C6orf132: variants seen among roughly 807,000 people sequenced by gnomAD.
The protein encoded by C6orf132 is uncharacterized protein C6orf132.
Under a neutral mutation model 65.3 loss-of-function variants are expected in C6orf132, and 43 were observed. That is an observed-to-expected ratio of 0.66 (90% CI 0.52 to 0.85). The LOEUF is 0.85. C6orf132 is among the 40% of genes least tolerant of loss of function. The pLI is 0.00. For synonymous variants in C6orf132, 631 were observed against 654.1 expected (o/e 0.96, Z 0.54); for missense variants, 1,488 against 1,548.8 (o/e 0.96, Z 0.66).
chr6:42,116,183 C>A (rs1766568476), intron 2 of C6orf132, among the ~76,000 whole-genome samples: 1 of 152,002 alleles, frequency 6.6e-6, no homozygotes, highest in African/African-American at 2.4e-5. Context: ...CCGCCGTGGC[C>A]TCCCAAAGTG....
rs754613669 is a variant in C6orf132 at position 42,106,569 on chromosome 6, G to A, written c.1343C>T (p.Pro448Leu). ...TGAAGACGCTGTGTTCTCTGGGCTG[G>A]GGGGGTTGGGTTTGGGTTTGAGAGC... ...SPALKPKPNPPSPENTASSAP... is the reference protein window; with the variant it reads ...SPALKPKPNPLSPENTASSAP... Residue 448 changes from proline (P) to leucine (L), a missense_variant, in exon 4 of 5, where the codon CCC (proline) becomes CTC (leucine). Pro to Leu is a moderately conservative substitution (Grantham distance 98). Coordinates refer to ENST00000341865, the MANE Select transcript of C6orf132 (RefSeq NM_001164446.3). 2.6e-6 allele frequency: 4 copies of A among 1,536,088 alleles called. No individual in the cohort carries two copies. The highest frequency in any genetic ancestry group is 1.2e-5 in the South Asian group (1 of 84,050).
rs987176724 is a variant in C6orf132, at chr6:42,103,280, C to T, written c.*481G>A. On this transcript the variant is annotated 3_prime_UTR_variant, in exon 5 of 5. Transcript: ENST00000341865. ...GTGATGGAGGCTAAAGATCTCCCTT[C>T]GGTGCCCTGCACACCCACCAGACAG... 10 of 382,344 alleles carry T rather than the reference C, an allele frequency of 2.6e-5. No individual in the cohort carries two copies. Among genetic ancestry groups the T allele is most frequent in the African/African-American group, 1.5e-4 (6 of 38,778 alleles). The allele number at this position is 382,344 out of a possible 1,614,324, so 23.7% of individuals were successfully genotyped here.
At chr6:42,136,009 A>G (rs1414591156) in intron 1 of C6orf132, among the ~76,000 whole-genome samples, 4 of 152,182 alleles carry the variant, frequency 2.6e-5, no homozygotes, top group Non-Finnish European at 5.9e-5. Flanking sequence ...TGAGACTTGA[A>G]AGTTGGTAAG....
intron 2 of C6orf132, among the ~76,000 whole-genome samples, chr6:42,114,991 G>GT: frequency 6.8e-6 from 1 of 147,236 alleles, no homozygotes; most frequent in East Asian, 2.0e-4. Context: ...GGGCGACAGA[G>GT]AGAGACTCTG....
chr6:42,119,140 G>T (rs1190579842), intron 2 of C6orf132, among the ~76,000 whole-genome samples: 4 of 147,330 alleles, frequency 2.7e-5, no homozygotes, highest in Admixed American at 1.4e-4. Context: ...CTACTCGGGA[G>T]GCTGAGGCAG....
chr6:42,141,267 G>A (rs946079971), intron 1 of C6orf132, among the ~76,000 whole-genome samples: 5 of 152,114 alleles, frequency 3.3e-5, no homozygotes, highest in Admixed American at 6.6e-5. Flanking sequence ...TCCACTGTGG[G>A]TCCCAGCACA....
Position 42,107,379 on chromosome 6 carries a change from AGCAGCAGGGGAGGTGGTGGGGGTG to A in C6orf132, c.509_532del (p.Ala170_Leu178delinsVal). On this transcript the variant is annotated inframe_deletion, in exon 4 of 5. Transcript: ENST00000341865. ...CATGCTGGGCGGGGGTGGGGGTTCCAGCAGCAGGGGAGGTGGTGGGGGTGCTGTGGAAGGTGGAGATGGCAGTGG... is the reference window on the plus strand; with the variant it reads ...CATGCTGGGCGGGGGTGGGGGTTCCACTGTGGAAGGTGGAGATGGCAGTGG... 2.8e-6 allele frequency: 2 copies of A among 709,898 alleles called. No homozygotes were observed. Among genetic ancestry groups the A allele is most frequent in the Non-Finnish European group, 4.1e-6 (2 of 486,836 alleles). 44.0% of individuals were successfully genotyped at this position (709,898 alleles called of 1,614,324 possible).
intron 2 of C6orf132, among the ~76,000 whole-genome samples, chr6:42,123,719 G>A (rs1320218362): frequency 1.3e-5 from 2 of 152,116 alleles, no homozygotes; most frequent in East Asian, 3.9e-4. Context: ...TGTTGTACCC[G>A]GGACCAGCCT....
At chr6:42,121,405 C>A (rs1326044772) in intron 2 of C6orf132, among the ~76,000 whole-genome samples, 4 of 152,230 alleles carry the variant, frequency 2.6e-5, no homozygotes, top group African/African-American at 9.6e-5. Context: ...AGAAAACACT[C>A]GCTATTCAAG....
intron 1 of C6orf132, among the ~76,000 whole-genome samples, chr6:42,132,472 G>A (rs138215558): frequency 0.043 from 6,583 of 151,620 alleles, 505 homozygotes; most frequent in African/African-American, 0.15. Flanking sequence ...CCAAGATTGC[G>A]CCACTGCACT....
chr6:42,114,025 C>G (rs1332085408), intron 2 of C6orf132, among the ~76,000 whole-genome samples: 1 of 152,116 alleles, frequency 6.6e-6, no homozygotes, highest in Admixed American at 6.5e-5. Context: ...CTAGTAGCAC[C>G]TTCTGGGTTA....
In C6orf132 at chr6:42,103,870, T is replaced by C; in HGVS notation, c.3458A>G (p.Tyr1153Cys). ...GGGGCTTCCATAGCGGGTGGTGGTG[T>C]AGGGAGACCTGGGGGAGAGCAAGAG... is the stretch of plus-strand genomic sequence containing the variant. ...GFAPAAGRSP[Y>C]TTTRYGSPIN... The change falls in exon 5 of 5, where the codon TAC (tyrosine) becomes TGC (cysteine). Residue 1153 changes from tyrosine (Y) to cysteine (C), a missense_variant. Transcript: ENST00000341865. 6.9e-7 allele frequency: 1 copy of C among 1,459,790 alleles called. No individual in the cohort carries two copies. Among genetic ancestry groups the C allele is most frequent in the Non-Finnish European group, 9.0e-7 (1 of 1,108,942 alleles). The allele number at this position is 1,459,790 out of a possible 1,614,324, so 90.4% of individuals were successfully genotyped here.
At chr6:42,109,093 G>A (rs1189368590) in intron 3 of C6orf132, among the ~76,000 whole-genome samples, 1 of 152,130 alleles carries the variant, frequency 6.6e-6, no homozygotes, top group Non-Finnish European at 1.5e-5. Flanking sequence ...GGATGAGTGC[G>A]ATGGGAAAAA....
intron 1 of C6orf132, among the ~76,000 whole-genome samples, chr6:42,137,917 A>G (rs1766972340): frequency 6.6e-6 from 1 of 152,164 alleles, no homozygotes; most frequent in Non-Finnish European, 1.5e-5. Context: ...TCTACTAAAA[A>G]TACAAAAATA....
At position 42,105,320 on chromosome 6, in the gene C6orf132, C is replaced by T; in HGVS notation, c.2592G>A (p.Leu864=). Residue 864 remains leucine (L), a synonymous_variant, in exon 4 of 5, where the codon CTG becomes CTA. Coordinates refer to ENST00000341865, the MANE Select transcript of C6orf132 (RefSeq NM_001164446.3). ...SVGAALGRSS[L]PGSLRDHSHQ... ...GGCTGTGGTCACGGAGACTTCCTGG[C>T]AGAGAGGACCGACCCAGGGCAGCCC... 1.3e-6 allele frequency: 2 copies of T among 1,537,000 alleles called. No individual in the cohort carries two copies. The highest frequency in any genetic ancestry group is 1.4e-5 in the African/African-American group (1 of 73,138).
At chr6:42,136,871 G>T (rs1766951654) in intron 1 of C6orf132, among the ~76,000 whole-genome samples, 1 of 151,894 alleles carries the variant, frequency 6.6e-6, no homozygotes, top group Non-Finnish European at 1.5e-5. Context: ...AACAGAAACG[G>T]AACAGAATGG....
rs1294970419 is a variant in C6orf132, at chr6:42,103,536, C to G, written c.*225G>C. ...ACCCTCCTTCCCCTCCCACCCCCCA[C>G]GTGTAAACAGTCCACAGTCACACCA... On this transcript the variant is annotated 3_prime_UTR_variant, in exon 5 of 5. Coordinates refer to ENST00000341865, the MANE Select transcript of C6orf132 (RefSeq NM_001164446.3). 1 of 379,832 alleles carries G rather than the reference C, an allele frequency of 2.6e-6. No homozygotes were observed. The highest frequency in any genetic ancestry group is 3.8e-5 in the East Asian group (1 of 26,162). The allele number at this position is 379,832 out of a possible 1,614,324, so 23.5% of individuals were successfully genotyped here. A position where few individuals can be genotyped will look rare whatever the true frequency, so the allele number is the denominator to read the frequency against.
At position 42,104,647 on chromosome 6, in the gene C6orf132, G is replaced by T. The variant is rs1423628706; in HGVS notation, c.3265C>A (p.Pro1089Thr). 1 of 1,475,704 alleles carries T rather than the reference G, an allele frequency of 6.8e-7. No homozygotes were observed. The highest frequency in any genetic ancestry group is 8.9e-7 in the Non-Finnish European group (1 of 1,122,468). 91.4% of individuals were successfully genotyped at this position (1,475,704 alleles called of 1,614,324 possible). The change falls in exon 4 of 5, where the codon CCC (proline) becomes ACC (threonine). Residue 1089 changes from proline (P) to threonine (T), a missense_variant. By Grantham distance (38) the Pro-to-Thr change is conservative. Transcript: ENST00000341865. The surrounding 1 kb of genome is among the most constrained non-coding windows in gnomAD (Gnocchi z 4.1). ...CCGGGCTGCGGCCCGAAGCAGTTGG[G>T]AGAGCTCAGGCTGCGGCCGGTGCCA... is the stretch of plus-strand genomic sequence containing the variant. ...HGGTGRSLSS[P>T]NCFGPQPGGP...
rs764919323 is a variant in C6orf132, at chr6:42,106,769, G to A, written c.1143C>T (p.Ser381=). The A allele has an allele frequency of 6.5e-7, 1 of 1,533,916 alleles. No homozygotes were observed. The highest frequency in any genetic ancestry group is 1.2e-5 in the South Asian group (1 of 83,934). Residue 381 remains serine (S), a synonymous_variant, in exon 4 of 5, where the codon TCC becomes TCT. Coordinates refer to ENST00000341865, the MANE Select transcript of C6orf132 (RefSeq NM_001164446.3). ...GAGTCCCAGCTCGTTCATCTGCTTG[G>A]GACTGGGACTGGCCAAGCCTTGGGC... ...PASPRLGQSQ[S]QADERAGTPP... is the part of the protein sequence containing the mutation.
Sources: gnomAD v4.1 joint callset for allele counts (sites outside exome capture counted in the v4.1 genomes callset) on GRCh38, gnomAD v4.1.1 for gene constraint, Gnocchi (gnomAD v3.1) non-coding constraint, MANE v1.5 for transcripts, NCBI Gene and HGNC (gene_info 2026-07-23, HGNC 2026-07-21) for gene names.